FOCAD: variants seen among roughly 807,000 people sequenced by gnomAD.
The protein encoded by FOCAD is focadhesin.
Under a neutral mutation model 225.6 loss-of-function variants are expected in FOCAD, and 198 were observed. That is an observed-to-expected ratio of 0.88 (90% CI 0.78 to 0.99). The LOEUF is 0.99. FOCAD is among the 50% of genes least tolerant of loss of function. The pLI, the probability that FOCAD is intolerant of heterozygous loss-of-function variation, is 0.00. For missense variants in FOCAD, 2,713 were observed against 2,123.6 expected, an observed-to-expected ratio of 1.28 and a Z score of -5.46; for synonymous variants, 897 against 755.0, an observed-to-expected ratio of 1.19 and a Z score of -3.08.
chr9:20,808,453 A>G (rs1482612898), intron 11 of FOCAD, among the ~76,000 whole-genome samples: 29 of 152,228 alleles, frequency 1.9e-4, no homozygotes. Context: ...AAAGGTGTGC[A>G]TAAAGTTAGA....
intron 4 of FOCAD, among the ~76,000 whole-genome samples, chr9:20,727,839 T>C (rs1008522734): frequency 3.9e-5 from 6 of 152,232 alleles, no homozygotes; most frequent in African/African-American, 1.4e-4. Context: ...TGGGATGTTA[T>C]GTCATTCTCT....
chr9:20,964,751 G>T (rs1204799885), intron 35 of FOCAD, among the ~76,000 whole-genome samples: 1 of 152,160 alleles, frequency 6.6e-6, no homozygotes, highest in Admixed American at 6.5e-5. Flanking sequence ...GGCCAGGATG[G>T]TCTTGATCTC....
At chr9:20,939,921 G>C (rs1216654377) in intron 28 of FOCAD, among the ~76,000 whole-genome samples, 1 of 103,798 alleles carries the variant, frequency 9.6e-6, no homozygotes, top group Admixed American at 1.2e-4. Flanking sequence ...CCCCACGACA[G>C]GCCCCAGTGT....
At chr9:20,917,427 G>C (rs1833964810) in intron 24 of FOCAD, among the ~76,000 whole-genome samples, 1 of 152,098 alleles carries the variant, frequency 6.6e-6, no homozygotes, top group Non-Finnish European at 1.5e-5. Context: ...GCTTATGGTT[G>C]TTTTAACAAA....
At chr9:20,675,222 GGTAGGCAAACTATA>G (rs1468534460) in intron 2 of FOCAD, among the ~76,000 whole-genome samples, 1 of 152,138 alleles carries the variant, frequency 6.6e-6, no homozygotes, top group African/African-American at 2.4e-5. Flanking sequence ...TTAGGTTAGG[GGTAGGCAAACTATA>G]GTCTGTGGGT....
At chr9:20,657,994 A>T (rs1163520461), upstream of FOCAD, among the ~76,000 whole-genome samples, 122 of 141,720 alleles carry the variant, frequency 8.6e-4, no homozygotes, top group Admixed American at 2.8e-3. Context: ...TTTCCTTCTA[A>T]CAGACAGGAC....
intron 33 of FOCAD, 96 bp downstream of exon 33, chr9:20,949,771 TG>T: frequency 9.3e-7 from 1 of 1,072,354 alleles, no homozygotes; most frequent in Non-Finnish European, 1.4e-6. Flanking sequence ...ACCTGGAAAA[TG>T]GGAAAGTCTC....
chr9:20,901,367 A>T (rs1371358947), intron 21 of FOCAD, among the ~76,000 whole-genome samples: 1 of 151,872 alleles, frequency 6.6e-6, no homozygotes, highest in Non-Finnish European at 1.5e-5. Flanking sequence ...TTGGGGTTTT[A>T]AAATTAACAG....
chr9:20,785,062 G>T (rs940333003), intron 10 of FOCAD, among the ~76,000 whole-genome samples: 2 of 151,908 alleles, frequency 1.3e-5, no homozygotes, highest in Non-Finnish European at 2.9e-5. Flanking sequence ...TTTCATATGT[G>T]CAGGCTTCAT....
At chr9:20,753,961 A>T (rs1828808037) in intron 5 of FOCAD, among the ~76,000 whole-genome samples, 1 of 152,164 alleles carries the variant, frequency 6.6e-6, no homozygotes, top group Admixed American at 6.6e-5. Context: ...TCATAACTTG[A>T]ATAGCTGGTT....
chr9:20,931,857 C>A (rs1230420401), intron 27 of FOCAD, among the ~76,000 whole-genome samples: 1 of 150,298 alleles, frequency 6.7e-6, no homozygotes, highest in African/African-American at 2.5e-5. Flanking sequence ...GATGTTGTGC[C>A]ACTGCACTCC....
intron 24 of FOCAD, 21 bp downstream of exon 24, chr9:20,916,958 T>C: frequency 6.3e-6 from 10 of 1,582,596 alleles, no homozygotes; most frequent in Non-Finnish European, 7.7e-6. Context: ...TTTAGTCTTT[T>C]ATCAAACATT....
intron 35 of FOCAD, among the ~76,000 whole-genome samples, chr9:20,956,133 G>A (rs4255227): frequency 1.3e-5 from 2 of 152,172 alleles, no homozygotes; most frequent in Admixed American, 6.5e-5. Flanking sequence ...GCTTGGATAC[G>A]AAGTACAGGT....
At position 20,986,283 on chromosome 9, in the gene FOCAD, T is replaced by TTTTTTTTTTTTTTTTTTTTTTTTGG; in HGVS notation, c.4729-5_4729-4insTTTTTTTTTTTTTTTTTTTTTTTGG. The TTTTTTTTTTTTTTTTTTTTTTTTGG allele has an allele frequency of 6.8e-7, 1 of 1,476,880 alleles. No homozygotes were observed. Among genetic ancestry groups the TTTTTTTTTTTTTTTTTTTTTTTTGG allele is most frequent in the Non-Finnish European group, 9.0e-7 (1 of 1,113,546 alleles). 91.5% of individuals were successfully genotyped at this position (1,476,880 alleles called of 1,614,324 possible). A position where few individuals can be genotyped will look rare whatever the true frequency, so the allele number is the denominator to read the frequency against. On this transcript the variant is annotated splice_polypyrimidine_tract_variant and splice_region_variant and intron_variant, in intron 39 of 43. Transcript: ENST00000338382. Reference sequence around the variant, plus strand: ...ACTAAACAATTTTTTTTTTTTTTTTTGCAGAGCAACATAGAAAAAGCTGCC... The same window carrying TTTTTTTTTTTTTTTTTTTTTTTTGG: ...ACTAAACAATTTTTTTTTTTTTTTTTTTTTTTTTTTTTTTTTTTTTTTTGGGCAGAGCAACATAGAAAAAGCTGCC...
At chr9:20,853,333 G>A (rs944404264) in intron 15 of FOCAD, among the ~76,000 whole-genome samples, 2 of 151,544 alleles carry the variant, frequency 1.3e-5, no homozygotes, top group Admixed American at 6.6e-5. Flanking sequence ...GAGTCTCTTG[G>A]GTGGCTTCAT....
At chr9:20,805,650 A>G (rs947797946) in intron 11 of FOCAD, among the ~76,000 whole-genome samples, 11 of 152,112 alleles carry the variant, frequency 7.2e-5, no homozygotes, top group African/African-American at 2.2e-4. Flanking sequence ...AACTGTTAAC[A>G]GTGATGTGAA....
chr9:20,720,467 G>T lies in FOCAD; in HGVS notation c.220G>T (p.Val74Phe). 1 of 1,614,038 alleles carries T rather than the reference G, an allele frequency of 6.2e-7. No homozygotes were observed. Among genetic ancestry groups the T allele is most frequent in the Non-Finnish European group, 8.5e-7 (1 of 1,179,956 alleles). ...TACCEGLVAL[V>F]AQDHAEFSYV... ...CTGCTGTGAAGGTCTGGTGGCACTC[G>T]TTGCTCAGGATCATGCAGAGTTCAG... is the stretch of plus-strand genomic sequence containing the variant. The change falls in exon 4 of 44, where the codon GTT (valine) becomes TTT (phenylalanine). Residue 74 changes from valine to phenylalanine, a missense_variant. Physicochemically the swap from Val to Phe is conservative, Grantham distance 50. Coordinates refer to ENST00000338382, the MANE Select transcript of FOCAD (RefSeq NM_001375567.1).
intron 1 of FOCAD, among the ~76,000 whole-genome samples, chr9:20,704,372 T>C (rs1824209675): frequency 6.6e-6 from 1 of 152,218 alleles, no homozygotes; most frequent in South Asian, 2.1e-4. Flanking sequence ...CTAAACCATA[T>C]CTATTCCATT....
rs1830712220 is a variant in FOCAD, at chr9:20,882,045, C to G, written c.2492C>G (p.Pro831Arg). ...ACAAACAAGCAACCAGGACTGAAAC[C>G]TGGCCTTGCAGGTAAGGGTAGTACA... ...YETNKQPGLK[P>R]GLAGGMLFCY... The change falls in exon 20 of 44, where the codon CCT (proline) becomes CGT (arginine). Residue 831 changes from proline to arginine, a missense_variant. Transcript: ENST00000338382. The G allele has an allele frequency of 1.2e-6, 2 of 1,612,686 alleles. No individual in the cohort carries two copies. Among genetic ancestry groups the G allele is most frequent in the African/African-American group, 1.3e-5 (1 of 74,752 alleles).
Sources: gnomAD v4.1 joint callset for allele counts (sites outside exome capture counted in the v4.1 genomes callset) on GRCh38, gnomAD v4.1.1 for gene constraint, MANE v1.5 for transcripts, NCBI Gene and HGNC (gene_info 2026-07-23, HGNC 2026-07-21) for gene names.